The following TMEM255B variants were observed in gnomAD, a reference collection of about 807,000 sequenced individuals.
The protein encoded by TMEM255B is family with sequence similarity 70, member B.
A neutral mutation model predicts 34.5 loss-of-function variants in TMEM255B; 35 were observed. That is an observed-to-expected ratio of 1.01 (90% CI 0.77 to 1.34). The LOEUF is 1.34. Ranked by LOEUF, TMEM255B falls within the 40% of genes most tolerant of loss-of-function variation. The pLI, the probability that TMEM255B is intolerant of heterozygous loss-of-function variation, is 0.00. For missense variants in TMEM255B, 432 were observed against 433.2 expected (o/e 1.00, Z 0.02); for synonymous variants, 206 against 201.2 (o/e 1.02, Z -0.20).
At position 113,762,750 on chromosome 13, in the gene TMEM255B, A is replaced by G. The variant is rs1031916052; in HGVS notation, c.47-3365A>G. On this transcript the variant is annotated intron_variant, in intron 1 of 8. Transcript: ENST00000375353. ...GCTTTAAGAACCAGAATCCAGTCAC[A>G]GGGTTCCTGACAGACGGACGCCCAC... Among the ~76,000 whole-genome samples the G allele has an allele frequency of 6.6e-5, 10 of 152,240 alleles. No individual in the cohort carries two copies. The East Asian group carries it at 1.7e-3, about 26-fold the overall frequency.
At chr13:113,784,961 C>A (rs56784334) in intron 3 of TMEM255B, among the ~76,000 whole-genome samples, 27,110 of 152,128 alleles carry the variant, frequency 0.18, 2,904 homozygotes, top group African/African-American at 0.3. Flanking sequence ...GAGAATAAAC[C>A]TGAGAGGGGC....
At chr13:113,762,913 C>CT (rs2050331737) in intron 1 of TMEM255B, among the ~76,000 whole-genome samples, 1 of 152,238 alleles carries the variant, frequency 6.6e-6, no homozygotes, top group Non-Finnish European at 1.5e-5. Flanking sequence ...CAACAAAATC[C>CT]TTTGAGAAGG....
At chr13:113,786,623 GTCACCATCA>G (rs1014247503) in intron 3 of TMEM255B, among the ~76,000 whole-genome samples, 2 of 151,262 alleles carry the variant, frequency 1.3e-5, no homozygotes, top group African/African-American at 4.9e-5. Context: ...CGTCACTGTT[GTCACCATCA>G]TCACCATCAT....
At chr13:113,800,758 C>A in intron 5 of TMEM255B, 69 bp from the exon 6 acceptor site, 1 of 1,470,230 alleles carries the variant, frequency 6.8e-7, no homozygotes, top group Non-Finnish European at 9.3e-7. Context: ...ATGAGGCAGC[C>A]CTGCCCTTGG....
At chr13:113,761,087 G>A in intron 1 of TMEM255B, 1 of 702,530 alleles carries the variant, frequency 1.4e-6, no homozygotes, top group Non-Finnish European at 1.7e-6. Flanking sequence ...GGACGAAAGA[G>A]GAATTGACGG....
chr13:113,787,062 C>CT (rs1309871953), intron 3 of TMEM255B, among the ~76,000 whole-genome samples: 22 of 152,206 alleles, frequency 1.4e-4, no homozygotes, highest in African/African-American at 7.2e-5. Flanking sequence ...TACCTGGACT[C>CT]TGACACTTTA....
chr13:113,778,152 C>T (rs1017718490), intron 3 of TMEM255B, among the ~76,000 whole-genome samples: 11 of 152,188 alleles, frequency 7.2e-5, no homozygotes, highest in East Asian at 3.9e-4. Context: ...GCAGGACAGG[C>T]GTGTTCCTGT....
intron 8 of TMEM255B, among the ~76,000 whole-genome samples, chr13:113,809,591 AG>A (rs1398002549): frequency 2.2e-5 from 1 of 44,710 alleles, no homozygotes; most frequent in East Asian, 6.1e-4. Context: ...TCCTGGGGGG[AG>A]GGGTTTACTC....
At chr13:113,760,864 G>C (rs1382329563) in intron 1 of TMEM255B, among the ~76,000 whole-genome samples, 2 of 149,192 alleles carry the variant, frequency 1.3e-5, no homozygotes, top group East Asian at 2.0e-4. Flanking sequence ...TGGTGTGCCT[G>C]GGGGTGGATT....
intron 3 of TMEM255B, among the ~76,000 whole-genome samples, chr13:113,791,463 C>A (rs1321046627): frequency 6.6e-6 from 1 of 152,196 alleles, no homozygotes; most frequent in Admixed American, 6.5e-5. Context: ...ATCTGGGGGA[C>A]CACACTGGTC....
Position 113,759,246 on chromosome 13 carries a change from G to C in TMEM255B, c.-24G>C, listed in dbSNP as rs1291040705. On this transcript the variant is annotated 5_prime_UTR_variant, in exon 1 of 9. Coordinates refer to ENST00000375353, the MANE Select transcript of TMEM255B (RefSeq NM_182614.4). ...GCGGCGGGACTGTGGCTGTGGCCCC[G>C]GGAGAGCCGGGTGGGGCCTCGGGAT... The C allele has an allele frequency of 8.3e-5, 102 of 1,227,478 alleles. No homozygotes were observed. Among genetic ancestry groups the C allele is most frequent in the Non-Finnish European group, 1.0e-4 (101 of 985,262 alleles). 76.0% of individuals were successfully genotyped at this position (1,227,478 alleles called of 1,614,324 possible).
Position 113,815,398 on chromosome 13 carries a change from A to G in TMEM255B, c.*3495A>G, listed in dbSNP as rs1285294079. On this transcript the variant is annotated 3_prime_UTR_variant, in exon 9 of 9. Transcript: ENST00000375353. ...CCACATGGGGTCACCGGCCACGGAG[A>G]GAGGAAGGGACATGGGTGATATGGT... The G allele has an allele frequency of 6.6e-6, 1 of 151,686 alleles. No individual in the cohort carries two copies. The highest frequency in any genetic ancestry group is 2.4e-5 in the African/African-American group (1 of 41,108). The allele number at this position is 151,686 out of a possible 1,614,324, so 9.4% of individuals were successfully genotyped here.
At chr13:113,790,884 G>T (rs1005149498) in intron 3 of TMEM255B, among the ~76,000 whole-genome samples, 10 of 152,222 alleles carry the variant, frequency 6.6e-5, no homozygotes, top group Non-Finnish European at 1.2e-4. Context: ...CTTGCTGCGC[G>T]TGGCCACACT....
chr13:113,762,381 A>G (rs771771289), intron 1 of TMEM255B, among the ~76,000 whole-genome samples: 1 of 152,174 alleles, frequency 6.6e-6, no homozygotes, highest in East Asian at 1.9e-4. Flanking sequence ...ATGATTTGCA[A>G]CCATTGCTCC....
At chr13:113,772,692 C>A (rs1160999975) in intron 3 of TMEM255B, among the ~76,000 whole-genome samples, 1 of 152,186 alleles carries the variant, frequency 6.6e-6, no homozygotes, top group Non-Finnish European at 1.5e-5. Context: ...GGTCTTGGCA[C>A]CCTTGTTGAA....
chr13:113,814,040 AT>A lies in TMEM255B; in HGVS notation c.*2140del, dbSNP rs2051376871. Reference sequence around the variant, plus strand: ...GTGGGGGAAGAAAAGTGTGCCACGGATTTCCCGAGTCCCCAGGGCTCTCACT... The same window carrying A: ...GTGGGGGAAGAAAAGTGTGCCACGGATTCCCGAGTCCCCAGGGCTCTCACT... On this transcript the variant is annotated 3_prime_UTR_variant, in exon 9 of 9. Coordinates refer to ENST00000375353, the MANE Select transcript of TMEM255B (RefSeq NM_182614.4). The A allele has an allele frequency of 6.6e-6, 1 of 152,020 alleles. No homozygotes were observed. Among genetic ancestry groups the A allele is most frequent in the African/African-American group, 2.4e-5 (1 of 41,388 alleles). 9.4% of individuals were successfully genotyped at this position (152,020 alleles called of 1,614,324 possible). A position where few individuals can be genotyped will look rare whatever the true frequency, so the allele number is the denominator to read the frequency against.
At position 113,806,328 on chromosome 13, in the gene TMEM255B, C is replaced by T. The variant is rs1057006990; in HGVS notation, c.813+1300C>T. Among the ~76,000 whole-genome samples, 1 of 152,066 alleles carries T rather than the reference C, an allele frequency of 6.6e-6. No homozygotes were observed. The highest frequency in any genetic ancestry group is 2.1e-4 in the South Asian group (1 of 4,824). ...GGGCCTGTGGGGCTGCTGGGGGTCC[C>T]TCGCGTTCAGGGCCTGCTTGGGTCA... On this transcript the variant is annotated intron_variant, in intron 8 of 8. Transcript: ENST00000375353. The surrounding 1 kb of genome is among the most constrained non-coding windows in gnomAD (Gnocchi z 4.2).
intron 3 of TMEM255B, among the ~76,000 whole-genome samples, chr13:113,787,931 C>T (rs994393088): frequency 2.7e-5 from 4 of 146,950 alleles, no homozygotes; most frequent in African/African-American, 7.6e-5. Flanking sequence ...GGAAGCGAGG[C>T]GGAGGAGAGG....
Position 113,804,935 on chromosome 13 carries a change from C to T in TMEM255B, c.720C>T (p.Leu240=), listed in dbSNP as rs142961002. The stretch of plus-strand genomic sequence containing the variant: ...GCCCAGCCGTCCCACCACAGACCCT[C>T]TACAACCCCGCCCAGCAGATCCTGG... ...AYGPAVPPQT[L]YNPAQQILAY... Residue 240 remains leucine, a synonymous_variant, in exon 8 of 9, where the codon CTC becomes CTT. Transcript: ENST00000375353. 6.2e-7 allele frequency: 1 copy of T among 1,605,700 alleles called. No individual in the cohort carries two copies. The highest frequency in any genetic ancestry group is 1.3e-5 in the African/African-American group (1 of 75,044).
Sources: gnomAD v4.1 joint callset for allele counts (sites outside exome capture counted in the v4.1 genomes callset) on GRCh38, gnomAD v4.1.1 for gene constraint, Gnocchi (gnomAD v3.1) non-coding constraint, MANE v1.5 for transcripts, NCBI Gene and HGNC (gene_info 2026-07-23, HGNC 2026-07-21) for gene names.